Variants in RPS6KA3 observed in about 807,000 individuals in gnomAD.
RPS6KA3 encodes the protein ribosomal protein S6 kinase alpha-3.
A neutral mutation model predicts 67.2 loss-of-function variants in RPS6KA3; 4 were observed. That is an observed-to-expected ratio of 0.06 (90% CI 0.03 to 0.14). The LOEUF is 0.14. RPS6KA3 is among the 10% of genes least tolerant of loss of function. The pLI, the probability that RPS6KA3 is intolerant of heterozygous loss-of-function variation, is 1.00. For missense variants in RPS6KA3, 204 were observed against 559.0 expected (o/e 0.36, Z 6.40); for synonymous variants, 182 against 183.7 (o/e 0.99, Z 0.07).
At chrX:20,234,948 CAT>C in intron 1 of RPS6KA3, 134 bp from the exon 2 acceptor site, 1 of 491,890 alleles carries the variant, frequency 2.0e-6, no homozygotes, top group Non-Finnish European at 3.7e-6. Flanking sequence ...GTAGAACCAC[CAT>C]ATGAGTATGC....
intron 2 of RPS6KA3, among the ~76,000 whole-genome samples, chrX:20,224,957 T>A (rs1415286984): frequency 4.5e-5 from 5 of 111,814 alleles, no homozygotes; most frequent in African/African-American, 1.6e-4. Flanking sequence ...GAAGTTCTTT[T>A]TACTTAGTCA....
Position 20,150,915 on chromosome X carries a change from T to C in RPS6KA3, c.*4483A>G, listed in dbSNP as rs1424701106. On this transcript the variant is annotated 3_prime_UTR_variant, in exon 22 of 22. Coordinates refer to ENST00000379565, the MANE Select transcript of RPS6KA3 (RefSeq NM_004586.3). ...TCATGGACATTTAAACAGCTTATCA[T>C]GCAGTTCAAGATTATATGGCAAAAT... The C allele has an allele frequency of 8.9e-6, 1 of 112,534 alleles. No individual in the cohort carries two copies. Among genetic ancestry groups the C allele is most frequent in the Non-Finnish European group, 1.9e-5 (1 of 53,273 alleles). The allele number at this position is 112,534 out of a possible 1,213,427, so 9.3% of individuals were successfully genotyped here.
At chrX:20,208,321 A>C (rs997184174) in intron 3 of RPS6KA3, among the ~76,000 whole-genome samples, 2 of 110,915 alleles carry the variant, frequency 1.8e-5, no homozygotes, top group African/African-American at 3.3e-5. Flanking sequence ...AGTAATTATG[A>C]TGCTGTACTT....
intron 2 of RPS6KA3, among the ~76,000 whole-genome samples, chrX:20,209,814 G>T (rs2068665052): frequency 8.9e-6 from 1 of 112,258 alleles, no homozygotes; most frequent in African/African-American, 3.2e-5. Flanking sequence ...GTATGGTTAT[G>T]CTACGCAGAA....
chrX:20,240,932 G>C (rs1324671193), intron 1 of RPS6KA3, among the ~76,000 whole-genome samples: 1 of 111,056 alleles, frequency 9.0e-6, no homozygotes, highest in Non-Finnish European at 1.9e-5. Context: ...GTCGTTACCT[G>C]GGTCACAGGC....
intron 20 of RPS6KA3, among the ~76,000 whole-genome samples, chrX:20,159,930 C>T (rs779536320): frequency 1.2e-4 from 13 of 111,476 alleles, no homozygotes; most frequent in Non-Finnish European, 2.3e-4. Flanking sequence ...AAGCCTTTCA[C>T]AATCTGGGTT....
In RPS6KA3 at chrX:20,165,744, A is replaced by G. The variant is rs775844308; in HGVS notation, c.1603-684T>C. ...AAAAACCAAAACAAATCTGGACTTT[A>G]TTTTTGGTACTGCCTATTTGATATA... On this transcript the variant is annotated intron_variant, in intron 17 of 21. Coordinates refer to ENST00000379565, the MANE Select transcript of RPS6KA3 (RefSeq NM_004586.3). Among the ~76,000 whole-genome samples, 7 of 111,945 alleles carry G rather than the reference A, an allele frequency of 6.3e-5. No individual in the cohort carries two copies. In the East Asian group the frequency reaches 2.0e-3, roughly 31 times the overall value.
chrX:20,232,496 C>G (rs918197628), intron 2 of RPS6KA3, among the ~76,000 whole-genome samples: 1 of 110,646 alleles, frequency 9.0e-6, no homozygotes, highest in Non-Finnish European at 1.9e-5. Flanking sequence ...CGCTTGAACC[C>G]GGGAGGCAGA....
Position 20,169,820 on chromosome X carries a change from T to C in RPS6KA3, c.1354-329A>G, listed in dbSNP as rs192177006. ...CCAAGAACACAGTTAACATATCTTT[T>C]CTTCTATCCTTGAGGCCTTAAACAT... On this transcript the variant is annotated intron_variant, in intron 15 of 21. Coordinates refer to ENST00000379565, the MANE Select transcript of RPS6KA3 (RefSeq NM_004586.3). Among the ~76,000 whole-genome samples the C allele has an allele frequency of 5.3e-5, 6 of 112,232 alleles. No individual in the cohort carries two copies. The East Asian group carries it at 1.4e-3, about 26-fold the overall frequency.
intron 2 of RPS6KA3, among the ~76,000 whole-genome samples, chrX:20,231,096 C>G (rs1246223009): frequency 1.8e-5 from 2 of 110,248 alleles, no homozygotes; most frequent in African/African-American, 6.6e-5. Flanking sequence ...GTAGCTGGGA[C>G]CACAGCATAT....
chrX:20,192,996 G>A (rs898262073), intron 7 of RPS6KA3, among the ~76,000 whole-genome samples: 1 of 112,163 alleles, frequency 8.9e-6, no homozygotes, highest in Admixed American at 9.4e-5. Flanking sequence ...TCAAAGAATG[G>A]GATGGCTGTG....
chrX:20,195,591 G>A (rs901688510), intron 4 of RPS6KA3, among the ~76,000 whole-genome samples: 2 of 111,934 alleles, frequency 1.8e-5, no homozygotes, highest in African/African-American at 6.5e-5. Flanking sequence ...CAGACATGGG[G>A]TAAAGGACAG....
chrX:20,237,280 C>T (rs1297649492), intron 1 of RPS6KA3, among the ~76,000 whole-genome samples: 3 of 111,336 alleles, frequency 2.7e-5, no homozygotes, highest in Non-Finnish European at 3.8e-5. Context: ...TAATTGTAAA[C>T]AGTTATCTTT....
chrX:20,218,967 G>A, intron 2 of RPS6KA3: 2 of 499,213 alleles, frequency 4.0e-6, no homozygotes, highest in Non-Finnish European at 6.5e-6. Flanking sequence ...CCTGTCAGGC[G>A]GGTCCTGAAA....
intron 1 of RPS6KA3, among the ~76,000 whole-genome samples, chrX:20,250,907 G>A (rs1449691747): frequency 8.9e-5 from 10 of 111,973 alleles, no homozygotes; most frequent in Non-Finnish European, 3.8e-5. Flanking sequence ...TTTTCTGGAA[G>A]AGACTATGTA....
chrX:20,164,603 T>C (rs1282080329), intron 18 of RPS6KA3, among the ~76,000 whole-genome samples: 2 of 109,938 alleles, frequency 1.8e-5, no homozygotes, highest in Non-Finnish European at 3.8e-5. Flanking sequence ...CAGGCTGGTC[T>C]GAAACTCCTG....
At position 20,215,580 on chromosome X, in the gene RPS6KA3, G is replaced by A. The variant is rs764821879; in HGVS notation, c.127-6176C>T. On this transcript the variant is annotated intron_variant, in intron 2 of 21. Coordinates refer to ENST00000379565, the MANE Select transcript of RPS6KA3 (RefSeq NM_004586.3). Reference sequence around the variant, plus strand: ...TATGGAAAATTACAGTAGTATAATAGGCAAAATATCCTGGGTTGAGATCTC... The same window carrying A: ...TATGGAAAATTACAGTAGTATAATAAGCAAAATATCCTGGGTTGAGATCTC... 6.3e-5 allele frequency among the ~76,000 whole-genome samples: 7 copies of A among 111,642 alleles called. No individual in the cohort carries two copies. The East Asian group carries it at 1.1e-3, about 18-fold the overall frequency.
chrX:20,193,437 C>T, intron 7 of RPS6KA3, 50 bp downstream of exon 7: 1 of 752,296 alleles, frequency 1.3e-6, no homozygotes, highest in East Asian at 3.3e-5. Context: ...TTTATAATCT[C>T]CTAAACAATC....
chrX:20,246,170 G>A (rs1316834017), intron 1 of RPS6KA3, among the ~76,000 whole-genome samples: 1 of 107,545 alleles, frequency 9.3e-6, no homozygotes, highest in Non-Finnish European at 1.9e-5. Flanking sequence ...AAGATCATGA[G>A]CTCTGGAGCC....
Sources: gnomAD v4.1 joint callset for allele counts (sites outside exome capture counted in the v4.1 genomes callset) on GRCh38, gnomAD v4.1.1 for gene constraint, MANE v1.5 for transcripts, NCBI Gene and HGNC (gene_info 2026-07-23, HGNC 2026-07-21) for gene names.